Variants in WIPF3 observed in about 807,000 individuals in gnomAD.
WIPF3 encodes the protein WAS/WASL interacting protein family member 3.
In WIPF3, 33 loss-of-function variants were observed where a neutral mutation model predicts 38.9. The ratio of observed to expected loss-of-function variants is 0.85; its 90% CI spans 0.64 to 1.14. WIPF3 has a LOEUF of 1.14. Ranked by LOEUF, WIPF3 falls within the 50% of genes most tolerant of loss-of-function variation. The probability of loss-of-function intolerance (pLI) is 0.00; values close to 1 mark genes in which losing one functional copy is unlikely to be tolerated. For synonymous variants in WIPF3, 324 were observed against 269.3 expected, an observed-to-expected ratio of 1.20 and a Z score of -1.99; for missense variants, 711 against 652.5, an observed-to-expected ratio of 1.09 and a Z score of -0.98.
chr7:29,824,707 G>A (rs1350223935), intron 1 of WIPF3, among the ~76,000 whole-genome samples: 2 of 152,182 alleles, frequency 1.3e-5, no homozygotes, highest in African/African-American at 2.4e-5. Context: ...TGGGAGTGAT[G>A]TCATGGACGC....
At chr7:29,843,995 C>T in intron 2 of WIPF3, among the ~76,000 whole-genome samples, 1 of 151,626 alleles carries the variant, frequency 6.6e-6, no homozygotes, top group East Asian at 2.0e-4. Context: ...CAGTGGAGGG[C>T]TGGCTTGGCA....
At chr7:29,816,955 A>G (rs1351856840) in intron 1 of WIPF3, among the ~76,000 whole-genome samples, 3 of 152,208 alleles carry the variant, frequency 2.0e-5, no homozygotes, top group East Asian at 3.8e-4. Context: ...CCCTTCACAG[A>G]AGTTGTACAA....
At chr7:29,837,241 A>C (rs1324564955) in intron 2 of WIPF3, among the ~76,000 whole-genome samples, 1 of 151,468 alleles carries the variant, frequency 6.6e-6, no homozygotes, top group Admixed American at 6.6e-5. Context: ...CTGTAGTCCC[A>C]GCTACTCGGG....
In WIPF3 at chr7:29,837,304, C is replaced by T. The variant is rs192411085; in HGVS notation, c.90+2490C>T. Among the ~76,000 whole-genome samples, 956 of 152,154 alleles carry T rather than the reference C, an allele frequency of 6.3e-3. 5 individuals carry two copies. The highest frequency in any genetic ancestry group is 0.01 in the Middle Eastern group (3 of 294). ...CCAGGAGGCGGAGCTTGCGGTGAGC[C>T]GAGACCACGCCACTGCACTCCAGCC... On this transcript the variant is annotated intron_variant, in intron 2 of 8. Transcript: ENST00000242140.
chr7:29,847,134 G>A (rs1014061322), intron 2 of WIPF3, among the ~76,000 whole-genome samples: 3 of 152,212 alleles, frequency 2.0e-5, no homozygotes, highest in Non-Finnish European at 4.4e-5. Flanking sequence ...AGTAGCAGCT[G>A]TTGCTTACCA....
intron 6 of WIPF3, 57 bp from the exon 7 acceptor site, chr7:29,889,249 C>A: frequency 6.9e-7 from 1 of 1,453,956 alleles, no homozygotes; most frequent in Non-Finnish European, 9.6e-7. Context: ...TGGAAATGAT[C>A]AAAACTTGGA....
intron 1 of WIPF3, among the ~76,000 whole-genome samples, chr7:29,827,484 G>T (rs1433146649): frequency 1.3e-5 from 2 of 152,072 alleles, no homozygotes; most frequent in Non-Finnish European, 2.9e-5. Flanking sequence ...CCCTTTATTT[G>T]TTCCTTGTTT....
intron 1 of WIPF3, among the ~76,000 whole-genome samples, chr7:29,824,228 G>A (rs1158770365): frequency 6.6e-6 from 1 of 152,194 alleles, no homozygotes; most frequent in Non-Finnish European, 1.5e-5. Flanking sequence ...GAATTGGTTG[G>A]CCCTGGTGGG....
At chr7:29,897,052 C>A (rs1786159562) in intron 7 of WIPF3, among the ~76,000 whole-genome samples, 1 of 152,208 alleles carries the variant, frequency 6.6e-6, no homozygotes, top group Non-Finnish European at 1.5e-5. Flanking sequence ...AATTTCACTG[C>A]TCTAGGTACC....
At chr7:29,837,238 C>T (rs1050391830) in intron 2 of WIPF3, among the ~76,000 whole-genome samples, 7 of 151,910 alleles carry the variant, frequency 4.6e-5, no homozygotes, top group East Asian at 1.9e-4. Flanking sequence ...CGCCTGTAGT[C>T]CCAGCTACTC....
At chr7:29,856,155 T>C (rs1785184328) in intron 2 of WIPF3, among the ~76,000 whole-genome samples, 1 of 152,198 alleles carries the variant, frequency 6.6e-6, no homozygotes, top group Admixed American at 6.5e-5. Flanking sequence ...CCACCTTTAT[T>C]CATATCTTTA....
At chr7:29,881,637 C>T (rs1425184249) in intron 4 of WIPF3, among the ~76,000 whole-genome samples, 1 of 152,216 alleles carries the variant, frequency 6.6e-6, no homozygotes, top group East Asian at 1.9e-4. Flanking sequence ...CATAATGCAA[C>T]CTTGGCCTAG....
At chr7:29,824,699 G>A (rs919779506) in intron 1 of WIPF3, among the ~76,000 whole-genome samples, 1 of 152,172 alleles carries the variant, frequency 6.6e-6, no homozygotes, top group African/African-American at 2.4e-5. Context: ...GTTAAACCTG[G>A]GAGTGATGTC....
At chr7:29,896,236 G>C (rs1786141076) in intron 7 of WIPF3, among the ~76,000 whole-genome samples, 1 of 150,090 alleles carries the variant, frequency 6.7e-6, no homozygotes, top group South Asian at 2.1e-4. Flanking sequence ...TTGAGCCCAG[G>C]AGTTTGAGAC....
chr7:29,871,979 C>T (rs1226161048), intron 2 of WIPF3, among the ~76,000 whole-genome samples: 1 of 152,180 alleles, frequency 6.6e-6, no homozygotes, highest in Non-Finnish European at 1.5e-5. Context: ...TGAAACCCAA[C>T]AAATTGTCAC....
chr7:29,892,476 T>C (rs1322370998), intron 7 of WIPF3, among the ~76,000 whole-genome samples: 2 of 152,212 alleles, frequency 1.3e-5, no homozygotes, highest in Non-Finnish European at 2.9e-5. Context: ...AAACACTAAA[T>C]GACAGTTCCA....
chr7:29,849,436 A>G (rs1583602118), intron 2 of WIPF3, among the ~76,000 whole-genome samples: 1 of 152,160 alleles, frequency 6.6e-6, no homozygotes, highest in Non-Finnish European at 1.5e-5. Context: ...GACATCTATC[A>G]CTAGCTGGTG....
At chr7:29,822,123 G>GTTTTTTTTTTTTTTTT in intron 1 of WIPF3, among the ~76,000 whole-genome samples, 5 of 62,874 alleles carry the variant, frequency 8.0e-5, no homozygotes, top group East Asian at 8.9e-4. Context: ...TTTTTTCTTA[G>GTTTTTTTTTTTTTTTT]TTTTTTTTTT....
intron 2 of WIPF3, among the ~76,000 whole-genome samples, chr7:29,857,224 T>C (rs574171584): frequency 1.3e-5 from 2 of 152,228 alleles, no homozygotes; most frequent in Non-Finnish European, 2.9e-5. Flanking sequence ...CCTCACCTTG[T>C]CCCCAACCTG....
Sources: gnomAD v4.1 joint callset for allele counts (sites outside exome capture counted in the v4.1 genomes callset) on GRCh38, gnomAD v4.1.1 for gene constraint, MANE v1.5 for transcripts, NCBI Gene and HGNC (gene_info 2026-07-23, HGNC 2026-07-21) for gene names.